The following CTNNA3 variants were observed in gnomAD, a reference collection of about 807,000 sequenced individuals.
CTNNA3 encodes catenin alpha-3.
In CTNNA3, 76 loss-of-function variants were observed where a neutral mutation model predicts 95.7. The ratio of observed to expected loss-of-function variants is 0.79; its 90% confidence interval spans 0.66 to 0.96. The LOEUF (loss-of-function observed/expected upper bound fraction) is 0.96, where lower values mean the gene tolerates loss of function less well. CTNNA3 is among the 40% of genes least tolerant of loss of function. The pLI is 0.00. For missense variants in CTNNA3, 1,191 were observed against 1,089.8 expected, an observed-to-expected ratio of 1.09 and a Z score of -1.31; for synonymous variants, 431 against 374.4, an observed-to-expected ratio of 1.15 and a Z score of -1.74.
chr10:67,686,448 C>T (rs900681909), intron 1 of CTNNA3, among the ~76,000 whole-genome samples: 14 of 152,224 alleles, frequency 9.2e-5, no homozygotes, highest in African/African-American at 3.4e-4. Flanking sequence ...TGACCAGCTC[C>T]TCATCCTCTG....
At chr10:67,658,379 G>C (rs186040994) in intron 1 of CTNNA3, among the ~76,000 whole-genome samples, 2 of 152,298 alleles carry the variant, frequency 1.3e-5, no homozygotes, top group East Asian at 3.9e-4. Flanking sequence ...CCCCTTTTAA[G>C]TGAAAGAACA....
chr10:66,351,056 A>G (rs1477475586), intron 12 of CTNNA3, among the ~76,000 whole-genome samples: 1 of 152,084 alleles, frequency 6.6e-6, no homozygotes, highest in Non-Finnish European at 1.5e-5. Flanking sequence ...AAAATAAAAC[A>G]AAAACAAAAA....
chr10:67,430,357 C>G (rs1449132794), intron 5 of CTNNA3, among the ~76,000 whole-genome samples: 1 of 151,842 alleles, frequency 6.6e-6, no homozygotes, highest in Admixed American at 6.6e-5. Context: ...CTTCAACTCC[C>G]CTAGTGTCCA....
At position 67,180,583 on chromosome 10, in the gene CTNNA3, A is replaced by G. The variant is rs1050533501; in HGVS notation, c.844-63T>C. 3.4e-5 allele frequency: 47 copies of G among 1,377,726 alleles called. 1 individual carries two copies. In the East Asian group the frequency reaches 1.1e-3, roughly 31 times the overall value. 85.3% of individuals were successfully genotyped at this position (1,377,726 alleles called of 1,614,324 possible). On this transcript the variant is annotated intron_variant, in intron 6 of 17. Transcript: ENST00000433211. ...GGCATTTCACTTTTATGAAAAACAAATGTTATTTTGTTTTTGCATTTAGAA... is the reference window on the plus strand; with the variant it reads ...GGCATTTCACTTTTATGAAAAACAAGTGTTATTTTGTTTTTGCATTTAGAA...
intron 1 of CTNNA3, among the ~76,000 whole-genome samples, chr10:67,674,638 A>T (rs1840503177): frequency 6.6e-6 from 1 of 152,194 alleles, no homozygotes; most frequent in South Asian, 2.1e-4. Context: ...AACATGGGAC[A>T]TGCAAAGGAG....
intron 5 of CTNNA3, among the ~76,000 whole-genome samples, chr10:67,364,515 T>C (rs1008006292): frequency 6.7e-6 from 1 of 149,974 alleles, no homozygotes; most frequent in Non-Finnish European, 1.5e-5. Flanking sequence ...TCAATTAGGA[T>C]ACTTCAGCAA....
At chr10:66,169,600 C>T (rs2085313133) in intron 13 of CTNNA3, among the ~76,000 whole-genome samples, 1 of 152,176 alleles carries the variant, frequency 6.6e-6, no homozygotes, top group East Asian at 1.9e-4. Context: ...AACCTCCACA[C>T]TGTTTTCCAT....
chr10:67,452,782 C>T (rs549066947), intron 5 of CTNNA3, among the ~76,000 whole-genome samples: 2 of 152,162 alleles, frequency 1.3e-5, no homozygotes, highest in African/African-American at 4.8e-5. Flanking sequence ...CAAGTGAGGA[C>T]TGAGTTTGAA....
At chr10:66,180,138 G>A (rs1182938820) in intron 13 of CTNNA3, among the ~76,000 whole-genome samples, 1 of 152,076 alleles carries the variant, frequency 6.6e-6, no homozygotes, top group East Asian at 1.9e-4. Context: ...GCTTTGCTTG[G>A]CTGGAAGTGT....
intron 13 of CTNNA3, among the ~76,000 whole-genome samples, chr10:66,144,672 G>A (rs567979028): frequency 1.1e-4 from 17 of 152,224 alleles, no homozygotes; most frequent in African/African-American, 3.9e-4. Flanking sequence ...TTTTTTAGTA[G>A]AGACGGGGTT....
At chr10:67,663,351 T>C (rs1312298819) in intron 1 of CTNNA3, among the ~76,000 whole-genome samples, 3 of 152,058 alleles carry the variant, frequency 2.0e-5, no homozygotes. Flanking sequence ...TGTGTGTGTG[T>C]GTTAAAGCTA....
intron 10 of CTNNA3, among the ~76,000 whole-genome samples, chr10:66,537,247 C>T (rs867604450): frequency 3.1e-4 from 47 of 152,070 alleles, no homozygotes; most frequent in African/African-American, 8.5e-4. Context: ...TTAACTTAAA[C>T]AAGTCATAGA....
chr10:66,298,820 T>C (rs1319452993), intron 12 of CTNNA3, among the ~76,000 whole-genome samples: 2 of 152,154 alleles, frequency 1.3e-5, no homozygotes, highest in Non-Finnish European at 2.9e-5. Context: ...TTCTCTAGTG[T>C]TACATATTGT....
At chr10:67,547,644 A>C (rs946019069) in intron 3 of CTNNA3, among the ~76,000 whole-genome samples, 1 of 152,222 alleles carries the variant, frequency 6.6e-6, no homozygotes, top group Non-Finnish European at 1.5e-5. Context: ...TCACAAGCTC[A>C]CACAAAACTT....
intron 12 of CTNNA3, among the ~76,000 whole-genome samples, chr10:66,352,716 A>G (rs918683208): frequency 6.6e-6 from 1 of 152,098 alleles, no homozygotes; most frequent in East Asian, 1.9e-4. Context: ...ATAGGGATGA[A>G]ATGAAAAGAG....
At chr10:67,584,366 G>C (rs569048168) in intron 3 of CTNNA3, among the ~76,000 whole-genome samples, 3 of 152,268 alleles carry the variant, frequency 2.0e-5, no homozygotes, top group Admixed American at 2.0e-4. Flanking sequence ...ATCAACAGTG[G>C]AGGCTACAGA....
intron 5 of CTNNA3, among the ~76,000 whole-genome samples, chr10:67,392,360 C>T (rs1474876685): frequency 6.6e-6 from 1 of 152,158 alleles, no homozygotes; most frequent in Non-Finnish European, 1.5e-5. Flanking sequence ...AATGAGATAC[C>T]ATCTCACACC....
chr10:66,900,747 C>A (rs1204828407), intron 7 of CTNNA3, among the ~76,000 whole-genome samples: 1 of 151,946 alleles, frequency 6.6e-6, no homozygotes, highest in Non-Finnish European at 1.5e-5. Flanking sequence ...GCTTCAGTAG[C>A]CAATTCGATC....
At chr10:66,578,350 T>C (rs1419846766) in intron 10 of CTNNA3, among the ~76,000 whole-genome samples, 3 of 152,002 alleles carry the variant, frequency 2.0e-5, no homozygotes, top group Non-Finnish European at 4.4e-5. Context: ...TCTCCTTTAC[T>C]ATATTGAATA....
Sources: allele counts gnomAD v4.1 joint callset (sites outside exome capture counted in the v4.1 genomes callset), GRCh38; gene constraint gnomAD v4.1.1; transcripts MANE v1.5; gene names NCBI Gene and HGNC (gene_info 2026-07-23, HGNC 2026-07-21).